PTPRG: variants seen among roughly 807,000 people sequenced by gnomAD.
PTPRG encodes protein tyrosine phosphatase receptor type G.
PTPRG carries 102 observed loss-of-function variants against 165.3 expected under a neutral mutation model. The ratio of observed to expected loss-of-function variants is 0.62; its 90% CI spans 0.53 to 0.73. The LOEUF (loss-of-function observed/expected upper bound fraction) is 0.73. Ranked by LOEUF, PTPRG falls within the 30% of genes least tolerant of loss-of-function variation. The probability of loss-of-function intolerance (pLI) is 0.00; values close to 1 mark genes in which losing one functional copy is unlikely to be tolerated. For synonymous variants in PTPRG, 675 were observed against 669.5 expected, an observed-to-expected ratio of 1.01 and a Z score of -0.13; for missense variants, 1,866 against 1,861.4, an observed-to-expected ratio of 1.00 and a Z score of -0.05.
At chr3:61,655,745 A>G (rs1423227117) in intron 1 of PTPRG, among the ~76,000 whole-genome samples, 1 of 152,120 alleles carries the variant, frequency 6.6e-6, no homozygotes, top group Admixed American at 6.5e-5. Context: ...AGCCAGGACA[A>G]CAGGCATATG....
At chr3:61,823,466 C>T (rs553984723) in intron 2 of PTPRG, among the ~76,000 whole-genome samples, 8 of 151,858 alleles carry the variant, frequency 5.3e-5, no homozygotes, top group Non-Finnish European at 1.2e-4. Flanking sequence ...GGATTACAGG[C>T]GTGAGCCACC....
At chr3:62,282,367 G>T (rs1343849294) in intron 27 of PTPRG, among the ~76,000 whole-genome samples, 1 of 151,446 alleles carries the variant, frequency 6.6e-6, no homozygotes, top group Non-Finnish European at 1.5e-5. Context: ...AAGACTATAG[G>T]CATGTACCAT....
At position 62,277,968 on chromosome 3, in the gene PTPRG, T is replaced by C. The variant is rs537222640; in HGVS notation, c.3765+289T>C. On this transcript the variant is annotated intron_variant, in intron 26 of 29. Coordinates refer to ENST00000474889, the MANE Select transcript of PTPRG (RefSeq NM_002841.4). ...AATGTTTTTAGTAACCTCATTAATA[T>C]ATGACTACACCAACCTCTTCCCTGC... 6.6e-5 allele frequency among the ~76,000 whole-genome samples: 10 copies of C among 152,256 alleles called. No homozygotes were observed. The South Asian group carries it at 2.1e-3, about 32-fold the overall frequency.
chr3:61,665,286 C>G (rs1702779231), intron 1 of PTPRG, among the ~76,000 whole-genome samples: 1 of 152,142 alleles, frequency 6.6e-6, no homozygotes, highest in Non-Finnish European at 1.5e-5. Context: ...TTTTCACTGT[C>G]TCTTCCTGGA....
intron 4 of PTPRG, among the ~76,000 whole-genome samples, chr3:62,033,122 A>T (rs1184429757): frequency 6.6e-6 from 1 of 151,968 alleles, no homozygotes; most frequent in Non-Finnish European, 1.5e-5. Flanking sequence ...TACATCTGGA[A>T]ATACTCTTTC....
At chr3:61,640,749 A>G (rs1164878863) in intron 1 of PTPRG, among the ~76,000 whole-genome samples, 2 of 152,222 alleles carry the variant, frequency 1.3e-5, no homozygotes, top group African/African-American at 4.8e-5. Flanking sequence ...AAGGCAATGT[A>G]GTAATTTAAT....
At chr3:62,287,587 G>C (rs1227624345) in intron 28 of PTPRG, among the ~76,000 whole-genome samples, 1 of 152,080 alleles carries the variant, frequency 6.6e-6, no homozygotes, top group African/African-American at 2.4e-5. Context: ...ACATACAGAA[G>C]TTCTAACATA....
chr3:61,586,489 T>A (rs555490549), intron 1 of PTPRG, among the ~76,000 whole-genome samples: 1 of 152,278 alleles, frequency 6.6e-6, no homozygotes, highest in East Asian at 1.9e-4. Flanking sequence ...CACAGGTCAC[T>A]GATAGGAAAC....
intron 2 of PTPRG, among the ~76,000 whole-genome samples, chr3:61,930,877 A>G (rs2039344769): frequency 6.6e-6 from 1 of 152,142 alleles, no homozygotes; most frequent in South Asian, 2.1e-4. Context: ...CCTGGCCAAT[A>G]TGGTGAAACC....
At chr3:62,017,651 C>T (rs892078828) in intron 4 of PTPRG, among the ~76,000 whole-genome samples, 1 of 151,154 alleles carries the variant, frequency 6.6e-6, no homozygotes, top group Non-Finnish European at 1.5e-5. Flanking sequence ...GTCTCGATCT[C>T]CTGACCTCGT....
rs11320461 is a variant in PTPRG, at chr3:61,653,466, ATT to A, written c.85+91104_85+91105del. Among the ~76,000 whole-genome samples the A allele has an allele frequency of 7.2e-3, 1,072 of 149,382 alleles. 10 individuals carry two copies. The highest frequency in any genetic ancestry group is 0.024 in the African/African-American group (962 of 40,634). Reference sequence around the variant, plus strand: ...AATGTTGGACATTTTATTTGTTTTCATTTTTTTTTTTGTTCTAAATAATGCTT... The same window carrying A: ...AATGTTGGACATTTTATTTGTTTTCATTTTTTTTTGTTCTAAATAATGCTT... On this transcript the variant is annotated intron_variant, in intron 1 of 29. Coordinates refer to ENST00000474889, the MANE Select transcript of PTPRG (RefSeq NM_002841.4).
chr3:61,931,923 T>C (rs1242414007), intron 2 of PTPRG, among the ~76,000 whole-genome samples: 11 of 152,238 alleles, frequency 7.2e-5, no homozygotes, highest in Non-Finnish European at 2.9e-5. Context: ...TTTTTGAAGC[T>C]TCTGGTTGAA....
intron 4 of PTPRG, among the ~76,000 whole-genome samples, chr3:62,013,082 A>T (rs972454836): frequency 1.3e-5 from 2 of 152,014 alleles, no homozygotes; most frequent in African/African-American, 4.8e-5. Flanking sequence ...AAATATTTTT[A>T]TATTATACAA....
At chr3:62,270,396 A>G (rs960310590) in intron 20 of PTPRG, among the ~76,000 whole-genome samples, 3 of 152,170 alleles carry the variant, frequency 2.0e-5, no homozygotes, top group South Asian at 2.1e-4. Context: ...TAGCATAGCA[A>G]TACATCTGTG....
rs1700541430 is a variant in PTPRG, at chr3:62,217,494, C to T, written c.2156-1357C>T. 1 of 152,304 alleles carries T rather than the reference C, an allele frequency of 6.6e-6. No homozygotes were observed. The highest frequency in any genetic ancestry group is 2.4e-5 in the African/African-American group (1 of 41,466). The allele number at this position is 152,304 out of a possible 1,614,324, so 9.4% of individuals were successfully genotyped here. ...CTTCCCTACTCAGCCTACCTTCTCT[C>T]ACCTGGAAACTCAACCTGATTAGCT... On this transcript the variant is annotated intron_variant, in intron 12 of 29. Coordinates refer to ENST00000474889, the MANE Select transcript of PTPRG (RefSeq NM_002841.4). The surrounding 1 kb of genome is among the most constrained non-coding windows in gnomAD (Gnocchi z 4.3).
In PTPRG at chr3:62,228,383, G is replaced by T. The variant is rs896681025; in HGVS notation, c.2289-2842G>T. Among the ~76,000 whole-genome samples the T allele has an allele frequency of 6.6e-6, 1 of 151,986 alleles. No individual in the cohort carries two copies. Among genetic ancestry groups the T allele is most frequent in the Admixed American group, 6.6e-5 (1 of 15,258 alleles). On this transcript the variant is annotated intron_variant, in intron 13 of 29. Transcript: ENST00000474889. The surrounding 1 kb of genome is among the most constrained non-coding windows in gnomAD (Gnocchi z 4.1). ...AAAATACAAAAACAATTAGCCGGAT[G>T]TGGTGGTGGGTGCCTGTAATCCCAG... is the stretch of plus-strand genomic sequence containing the variant.
intron 2 of PTPRG, among the ~76,000 whole-genome samples, chr3:61,850,143 C>A (rs1331215369): frequency 6.6e-6 from 1 of 151,872 alleles, no homozygotes; most frequent in Non-Finnish European, 1.5e-5. Flanking sequence ...TATTTAATAT[C>A]CTGTTCTTTT....
intron 1 of PTPRG, among the ~76,000 whole-genome samples, chr3:61,572,870 G>A (rs1700089358): frequency 6.6e-6 from 1 of 152,220 alleles, no homozygotes; most frequent in Admixed American, 6.5e-5. Flanking sequence ...TGTCACCCAA[G>A]CATAGGTGAT....
intron 4 of PTPRG, among the ~76,000 whole-genome samples, chr3:62,075,203 A>G (rs942887000): frequency 5.3e-5 from 8 of 152,160 alleles, no homozygotes; most frequent in African/African-American, 1.7e-4. Flanking sequence ...ATTTTGTATC[A>G]CACGCTATTC....
Sources: gnomAD v4.1 joint callset for allele counts (sites outside exome capture counted in the v4.1 genomes callset) on GRCh38, gnomAD v4.1.1 for gene constraint, Gnocchi (gnomAD v3.1) non-coding constraint, MANE v1.5 for transcripts, NCBI Gene and HGNC (gene_info 2026-07-23, HGNC 2026-07-21) for gene names.